PCDH15: variants seen among roughly 807,000 people sequenced by gnomAD.
PCDH15 encodes protocadherin-15.
In PCDH15, 129 loss-of-function variants were observed where a neutral mutation model predicts 178.5. The observed-to-expected ratio is 0.72, with a 90% confidence interval of 0.63 to 0.84. PCDH15 has a LOEUF of 0.84. Ranked by LOEUF, PCDH15 falls within the 40% of genes least tolerant of loss-of-function variation. The pLI is 0.00. For missense variants in PCDH15, 2,230 were observed against 2,099.9 expected, an observed-to-expected ratio of 1.06 and a Z score of -1.21; for synonymous variants, 800 against 732.0, an observed-to-expected ratio of 1.09 and a Z score of -1.50.
At chr10:55,428,157 T>C (rs999461472) in intron 2 of PCDH15, among the ~76,000 whole-genome samples, 1 of 152,044 alleles carries the variant, frequency 6.6e-6, no homozygotes, top group African/African-American at 2.4e-5. Context: ...AATCAATTAG[T>C]GTTTGACCTA....
chr10:53,964,157 C>T (rs935730643), intron 21 of PCDH15, among the ~76,000 whole-genome samples: 1 of 151,986 alleles, frequency 6.6e-6, no homozygotes, highest in Non-Finnish European at 1.5e-5. Context: ...TCCTCTTCTC[C>T]AGGCGTTCTC....
intron 9 of PCDH15, among the ~76,000 whole-genome samples, chr10:54,226,657 AT>A (rs1372486725): frequency 6.6e-6 from 1 of 152,168 alleles, no homozygotes; most frequent in Non-Finnish European, 1.5e-5. Flanking sequence ...GTGTTAACCC[AT>A]TTCAGCATTA....
chr10:55,075,300 C>A (rs985414912), intron 2 of PCDH15, among the ~76,000 whole-genome samples: 5 of 149,618 alleles, frequency 3.3e-5, no homozygotes, highest in Non-Finnish European at 7.4e-5. Context: ...AATTTTGTTT[C>A]TTGTTTATTT....
intron 2 of PCDH15, among the ~76,000 whole-genome samples, chr10:54,561,317 G>A (rs951750209): frequency 2.0e-5 from 3 of 152,068 alleles, no homozygotes; most frequent in Admixed American, 6.6e-5. Context: ...GTTAATTGTA[G>A]AAATACAATC....
exon 2 of PCDH15, chr10:55,627,707 G>C (rs1246966021): frequency 6.6e-6 from 1 of 152,046 alleles, no homozygotes; most frequent in Non-Finnish European, 1.5e-5. Flanking sequence ...GAGCAGCCAC[G>C]GAGCTTAGGT....
intron 3 of PCDH15, among the ~76,000 whole-genome samples, chr10:54,892,207 TATTTA>T (rs1416180861): frequency 2.0e-5 from 3 of 152,126 alleles, no homozygotes; most frequent in Admixed American, 6.6e-5. Flanking sequence ...TAATTGGATT[TATTTA>T]TTTCTCCTCC....
chr10:55,130,353 C>T (rs940809965), intron 2 of PCDH15, among the ~76,000 whole-genome samples: 1 of 152,058 alleles, frequency 6.6e-6, no homozygotes, highest in African/African-American at 2.4e-5. Context: ...AAAGCTGCAA[C>T]ACAAAGTTTG....
intron 3 of PCDH15, among the ~76,000 whole-genome samples, chr10:54,516,385 G>A (rs12772976): frequency 0.18 from 27,115 of 151,792 alleles, 2,705 homozygotes; most frequent in East Asian, 0.31. Flanking sequence ...GGAGCTGAAA[G>A]CCAAGGCTCG....
At chr10:54,310,580 TG>T (rs1217986619) in intron 8 of PCDH15, among the ~76,000 whole-genome samples, 1 of 152,000 alleles carries the variant, frequency 6.6e-6, no homozygotes, top group Non-Finnish European at 1.5e-5. Flanking sequence ...ATGAGGCATC[TG>T]CCAGAAACAC....
chr10:53,804,744 C>T lies in PCDH15; in HGVS notation c.*1835G>A, dbSNP rs1227508181. ...TTAATCTAATTCCTATACAAAGTAT[C>T]CTATACTAAAAACCATTGCTTTGGT... On this transcript the variant is annotated 3_prime_UTR_variant, in exon 38 of 38. Coordinates refer to ENST00000644397, the MANE Select transcript of PCDH15 (RefSeq NM_001384140.1). 1 of 151,906 alleles carries T rather than the reference C, an allele frequency of 6.6e-6. No individual in the cohort carries two copies. Among genetic ancestry groups the T allele is most frequent in the Non-Finnish European group, 1.5e-5 (1 of 67,908 alleles). The allele number at this position is 151,906 out of a possible 1,614,324, so 9.4% of individuals were successfully genotyped here.
chr10:54,522,990 C>T (rs887040521), intron 3 of PCDH15, among the ~76,000 whole-genome samples: 1 of 152,190 alleles, frequency 6.6e-6, no homozygotes, highest in Non-Finnish European at 1.5e-5. Context: ...ACACCCAGGT[C>T]TGACAACTCA....
chr10:54,692,531 C>T (rs1210961027), intron 1 of PCDH15, among the ~76,000 whole-genome samples: 1 of 152,124 alleles, frequency 6.6e-6, no homozygotes, highest in Non-Finnish European at 1.5e-5. Context: ...TTCTTGTTCT[C>T]TCTGATTGAG....
intron 5 of PCDH15, among the ~76,000 whole-genome samples, chr10:54,349,279 A>C (rs989376681): frequency 6.6e-6 from 1 of 152,124 alleles, no homozygotes; most frequent in African/African-American, 2.4e-5. Context: ...AGGGAGATAA[A>C]ATTGGTCTTG....
At chr10:54,802,844 A>C (rs1952708423), upstream of PCDH15, among the ~76,000 whole-genome samples, 1 of 152,208 alleles carries the variant, frequency 6.6e-6, no homozygotes. Flanking sequence ...CTCTGATGAC[A>C]CATCAGAAAT....
At chr10:55,274,240 T>G (rs1180356758) in intron 1 of PCDH15, among the ~76,000 whole-genome samples, 3 of 152,048 alleles carry the variant, frequency 2.0e-5, no homozygotes, top group African/African-American at 4.8e-5. Flanking sequence ...CCCAGAGAGA[T>G]TCCACAAATA....
intron 1 of PCDH15, among the ~76,000 whole-genome samples, chr10:55,185,770 C>A (rs952095996): frequency 6.6e-6 from 1 of 151,582 alleles, no homozygotes; most frequent in African/African-American, 2.4e-5. Context: ...TCAAAACAAT[C>A]ACAAACGAAG....
At chr10:54,620,446 A>G (rs2134416869) in intron 2 of PCDH15, among the ~76,000 whole-genome samples, 1 of 152,064 alleles carries the variant, frequency 6.6e-6, no homozygotes, top group East Asian at 1.9e-4. Context: ...TTTCAGGGGA[A>G]ATGATCATGT....
rs1233973905 is a variant in PCDH15 at position 54,253,654 on chromosome 10, ATTTCT to A, written c.877-16728_877-16724del. 1.9e-4 allele frequency among the ~76,000 whole-genome samples: 29 copies of A among 152,202 alleles called. 2 individuals carry two copies. Among genetic ancestry groups the A allele is most frequent in the African/African-American group, 2.4e-5 (1 of 41,564 alleles). ...TTAAAAGAGATATTAGTGATTAGTGATTTCTTTTTATAAATGCAATGTGAACTTTA... is the reference window on the plus strand; with the variant it reads ...TTAAAAGAGATATTAGTGATTAGTGATTTTATAAATGCAATGTGAACTTTA... On this transcript the variant is annotated intron_variant, in intron 8 of 37. Coordinates refer to ENST00000644397, the MANE Select transcript of PCDH15 (RefSeq NM_001384140.1).
At chr10:54,440,663 A>G (rs1323418546) in intron 3 of PCDH15, among the ~76,000 whole-genome samples, 5 of 151,900 alleles carry the variant, frequency 3.3e-5, no homozygotes, top group Admixed American at 2.0e-4. Flanking sequence ...TTAAAAAACA[A>G]TTTTCTATGT....
Sources: allele counts gnomAD v4.1 joint callset (sites outside exome capture counted in the v4.1 genomes callset), GRCh38; gene constraint gnomAD v4.1.1; transcripts MANE v1.5; gene names NCBI Gene and HGNC (gene_info 2026-07-23, HGNC 2026-07-21).